The following RPL22 variants were observed in gnomAD, a reference collection of about 807,000 sequenced individuals.
RPL22 encodes large ribosomal subunit protein eL22.
A neutral mutation model predicts 16.2 loss-of-function variants in RPL22; 4 were observed. The ratio of observed to expected loss-of-function variants is 0.25; its 90% CI spans 0.12 to 0.57. The LOEUF (loss-of-function observed/expected upper bound fraction) is 0.57. Ranked by LOEUF, RPL22 falls within the 20% of genes least tolerant of loss-of-function variation. RPL22 has a pLI of 0.92. For missense variants in RPL22, 83 were observed against 156.1 expected, an observed-to-expected ratio of 0.53 and a Z score of 2.49; for synonymous variants, 43 against 54.8, an observed-to-expected ratio of 0.78 and a Z score of 0.95.
At chr1:6,194,818 G>A (rs576866377) in intron 2 of RPL22, among the ~76,000 whole-genome samples, 2 of 152,130 alleles carry the variant, frequency 1.3e-5, no homozygotes, top group Non-Finnish European at 2.9e-5. Flanking sequence ...GGCCTATGAG[G>A]TTGAGGCTGC....
chr1:6,197,476 A>C (rs1667734705), intron 2 of RPL22, among the ~76,000 whole-genome samples, 176 bp downstream of exon 2: 1 of 152,200 alleles, frequency 6.6e-6, no homozygotes, highest in Non-Finnish European at 1.5e-5. Flanking sequence ...ACACACAAGA[A>C]GAAACAAGAC....
intron 1 of RPL22, chr1:6,198,121 A>G (rs552200415): frequency 2.7e-5 from 6 of 224,928 alleles, no homozygotes; most frequent in Non-Finnish European, 4.4e-5. Flanking sequence ...CCCAATTTCA[A>G]AAAAATACTA....
intron 3 of RPL22, 84 bp from the exon 4 acceptor site, chr1:6,186,900 CA>C: frequency 2.5e-6 from 4 of 1,573,344 alleles, no homozygotes; most frequent in Non-Finnish European, 3.5e-6. Flanking sequence ...ACCCAGCACT[CA>C]AAATCATTAC....
At chr1:6,196,387 T>C (rs148485073) in intron 2 of RPL22, among the ~76,000 whole-genome samples, 93 of 152,178 alleles carry the variant, frequency 6.1e-4, no homozygotes, top group Admixed American at 2.9e-3. Flanking sequence ...ACTAAGGAAA[T>C]AGGGGATTTC....
chr1:6,188,356 G>A (rs1018815597), intron 3 of RPL22, among the ~76,000 whole-genome samples: 2 of 152,116 alleles, frequency 1.3e-5, no homozygotes, highest in African/African-American at 4.8e-5. Flanking sequence ...TTATGGAAAG[G>A]CAAAAACTGG....
chr1:6,189,965 A>G (rs1237882461), intron 3 of RPL22, among the ~76,000 whole-genome samples: 1 of 152,188 alleles, frequency 6.6e-6, no homozygotes, highest in Non-Finnish European at 1.5e-5. Flanking sequence ...TCAGAGACAG[A>G]AAAAGTTCTA....
chr1:6,189,690 C>T lies in RPL22; in HGVS notation c.243-2874G>A, dbSNP rs956610566. Among the ~76,000 whole-genome samples the T allele has an allele frequency of 9.9e-5, 15 of 150,798 alleles. No homozygotes were observed. In the East Asian group the frequency reaches 1.8e-3, roughly 18 times the overall value. On this transcript the variant is annotated intron_variant, in intron 3 of 3. Transcript: ENST00000234875. ...ATCCCAGCACTTTGGGAGGCCGAGG[C>T]GGGTGGATCACCTGAGGTCAGGAGT...
At position 6,186,756 on chromosome 1, in the gene RPL22, G is replaced by A. The variant is rs749597857; in HGVS notation, c.303C>T (p.Arg101=). Residue 101 remains arginine, a synonymous_variant, in exon 4 of 4, where the codon CGC becomes CGT. Transcript: ENST00000234875. The stretch of plus-strand genomic sequence containing the variant: ...AACTCTCTTTGCTGTTAGCAACTAC[G>A]CGCAACCAGTCACGTAGATTATTCT... The part of the protein sequence containing the change: ...LKKNNLRDWL[R]VVANSKESYE... 8.7e-6 allele frequency: 14 copies of A among 1,610,562 alleles called. No homozygotes were observed. Among genetic ancestry groups the A allele is most frequent in the East Asian group, 4.5e-5 (2 of 44,872 alleles).
At chr1:6,190,743 T>A (rs1363253314) in intron 3 of RPL22, among the ~76,000 whole-genome samples, 1 of 152,182 alleles carries the variant, frequency 6.6e-6, no homozygotes, top group Non-Finnish European at 1.5e-5. Context: ...GTAAAGTATT[T>A]TAACCTCATC....
rs2100899738 is a variant in RPL22, at chr1:6,185,868, C to G, written c.*804G>C. On this transcript the variant is annotated 3_prime_UTR_variant, in exon 4 of 4. Transcript: ENST00000234875. The stretch of plus-strand genomic sequence containing the variant: ...GGCATGGGAGGCTTCCCAGTCACTC[C>G]TCCTTCGTGTCCCCTCTTTCAAGAA... 1 of 230,670 alleles carries G rather than the reference C, an allele frequency of 4.3e-6. No individual in the cohort carries two copies. 14.3% of individuals were successfully genotyped at this position (230,670 alleles called of 1,614,324 possible).
intron 3 of RPL22, among the ~76,000 whole-genome samples, chr1:6,187,330 C>A (rs1242594086): frequency 6.8e-6 from 1 of 147,582 alleles, no homozygotes. Context: ...AGAAAAAAAA[C>A]TAGGCCAGGG....
At chr1:6,197,082 T>A (rs1401821666) in intron 2 of RPL22, among the ~76,000 whole-genome samples, 1 of 152,214 alleles carries the variant, frequency 6.6e-6, no homozygotes. Context: ...CAGGATGGAG[T>A]GCAATGGTGC....
chr1:6,190,568 C>A (rs1490820244), intron 3 of RPL22, among the ~76,000 whole-genome samples: 1 of 152,090 alleles, frequency 6.6e-6, no homozygotes, highest in African/African-American at 2.4e-5. Flanking sequence ...TTAGTAGAAA[C>A]GGAGTTTCTC....
chr1:6,199,449 A>T (rs1317225245), intron 1 of RPL22, 113 bp downstream of exon 1: 9 of 1,455,426 alleles, frequency 6.2e-6, no homozygotes, highest in African/African-American at 1.4e-5. Context: ...CTGCCAGCCC[A>T]CCCCAGCAGG....
intron 3 of RPL22, among the ~76,000 whole-genome samples, chr1:6,190,639 A>G (rs1447671885): frequency 6.6e-6 from 1 of 152,190 alleles, no homozygotes; most frequent in African/African-American, 2.4e-5. Flanking sequence ...TCGGCCTCCC[A>G]AAGTGCTGGG....
chr1:6,186,829 G>C lies in RPL22; in HGVS notation c.243-13C>G. On this transcript the variant is annotated splice_polypyrimidine_tract_variant and intron_variant, in intron 3 of 3. Transcript: ENST00000234875. ...ATATTTCAAATACCTGCAGAGAAAG[G>C]ACACAAGAACTCCACTAGACAGTTG... is the stretch of plus-strand genomic sequence containing the variant. 3 of 1,612,928 alleles carry C rather than the reference G, an allele frequency of 1.9e-6. No homozygotes were observed. The South Asian group carries it at 3.3e-5, about 18-fold the overall frequency.
intron 3 of RPL22, among the ~76,000 whole-genome samples, chr1:6,191,428 G>C (rs1373163968): frequency 7.4e-5 from 11 of 149,612 alleles, no homozygotes; most frequent in Non-Finnish European, 1.6e-4. Flanking sequence ...AGCACTCTGG[G>C]AGGCCGAGGC....
At chr1:6,199,292 G>A in intron 1 of RPL22, 2 of 841,384 alleles carry the variant, frequency 2.4e-6, no homozygotes, top group Non-Finnish European at 1.6e-6. Flanking sequence ...CCAGACCGCA[G>A]TCTCCAGGCT....
At chr1:6,190,631 G>A (rs1047865520) in intron 3 of RPL22, among the ~76,000 whole-genome samples, 6 of 152,074 alleles carry the variant, frequency 3.9e-5, no homozygotes, top group Non-Finnish European at 7.4e-5. Context: ...CTCTGACCTC[G>A]GCCTCCCAAA....
Sources: allele counts gnomAD v4.1 joint callset (sites outside exome capture counted in the v4.1 genomes callset), GRCh38; gene constraint gnomAD v4.1.1; transcripts MANE v1.5; gene names NCBI Gene and HGNC (gene_info 2026-07-23, HGNC 2026-07-21).